NRXN3: variants seen among roughly 807,000 people sequenced by gnomAD.
The protein encoded by NRXN3 is neurexin 3.
Under a neutral mutation model 137.6 loss-of-function variants are expected in NRXN3, and 32 were observed. The ratio of observed to expected loss-of-function variants is 0.23; its 90% CI spans 0.18 to 0.31. The LOEUF is 0.31. Among genes scored for constraint, NRXN3 ranks in the 10% least tolerant of loss-of-function variants. The probability of loss-of-function intolerance (pLI) is 1.00; values close to 1 mark genes in which losing one functional copy is unlikely to be tolerated. For missense variants in NRXN3, 1,574 were observed against 2,062.5 expected, an observed-to-expected ratio of 0.76 and a Z score of 4.59; for synonymous variants, 798 against 784.5, an observed-to-expected ratio of 1.02 and a Z score of -0.29.
chr14:78,503,841 A>C (rs1441761769), intron 4 of NRXN3, among the ~76,000 whole-genome samples: 1 of 152,158 alleles, frequency 6.6e-6, no homozygotes, highest in East Asian at 1.9e-4. Flanking sequence ...CATGATAATC[A>C]GTGGTTCTCC....
chr14:79,144,895 T>C (rs1223200602), intron 15 of NRXN3, among the ~76,000 whole-genome samples: 1 of 152,122 alleles, frequency 6.6e-6, no homozygotes, highest in Non-Finnish European at 1.5e-5. Flanking sequence ...CCTCTTTTTT[T>C]TGAAAATCTT....
chr14:79,038,923 A>G (rs79057947), intron 15 of NRXN3, among the ~76,000 whole-genome samples: 5,761 of 152,216 alleles, frequency 0.038, 156 homozygotes, highest in Non-Finnish European at 0.059. Context: ...ACGAGTGGCT[A>G]AGAGCCCTGG....
At position 79,164,736 on chromosome 14, in the gene NRXN3, A is replaced by G. The variant is rs182430087; in HGVS notation, c.3262+176595A>G. Reference sequence around the variant, plus strand: ...ATTTCAAAATCTAAAGTTAAGAGAAATTAACAGGTCATTGCTCAGAAAAAT... The same window carrying G: ...ATTTCAAAATCTAAAGTTAAGAGAAGTTAACAGGTCATTGCTCAGAAAAAT... On this transcript the variant is annotated intron_variant, in intron 15 of 20. Coordinates refer to ENST00000335750, the MANE Select transcript of NRXN3 (RefSeq NM_001330195.2). Among the ~76,000 whole-genome samples the G allele has an allele frequency of 2.2e-4, 34 of 152,150 alleles. No individual in the cohort carries two copies. In the East Asian group the frequency reaches 5.2e-3, roughly 23 times the overall value.
At chr14:78,629,284 T>A (rs1411699628) in intron 4 of NRXN3, among the ~76,000 whole-genome samples, 22 of 152,210 alleles carry the variant, frequency 1.4e-4, no homozygotes, top group Admixed American at 1.4e-3. Flanking sequence ...GGCTCCTTTC[T>A]CTCTCCTTTC....
chr14:79,514,021 A>G (rs918642588), intron 16 of NRXN3, among the ~76,000 whole-genome samples: 3 of 152,234 alleles, frequency 2.0e-5, no homozygotes, highest in African/African-American at 7.2e-5. Flanking sequence ...AGAGAAATAT[A>G]GAAAATTAAT....
chr14:78,893,085 C>T (rs1043899197), intron 10 of NRXN3, among the ~76,000 whole-genome samples: 2 of 151,812 alleles, frequency 1.3e-5, no homozygotes, highest in Admixed American at 1.3e-4. Flanking sequence ...ATTGTGGGCA[C>T]CTGCTTGGCC....
intron 8 of NRXN3, among the ~76,000 whole-genome samples, chr14:78,740,665 T>C (rs552782938): frequency 6.6e-6 from 1 of 152,122 alleles, no homozygotes; most frequent in East Asian, 1.9e-4. Context: ...TCCTGGATAA[T>C]GAGGACCAAA....
At chr14:78,257,828 C>G (rs1308215103) in intron 2 of NRXN3, among the ~76,000 whole-genome samples, 1 of 152,084 alleles carries the variant, frequency 6.6e-6, no homozygotes, top group Non-Finnish European at 1.5e-5. Context: ...AGAAAGATGA[C>G]TCTAGGGCCA....
At chr14:79,854,453 T>C (rs2099398356) in intron 20 of NRXN3, among the ~76,000 whole-genome samples, 1 of 152,198 alleles carries the variant, frequency 6.6e-6, no homozygotes, top group African/African-American at 2.4e-5. Flanking sequence ...CTATATTTTT[T>C]ATTTCATTTG....
intron 4 of NRXN3, among the ~76,000 whole-genome samples, chr14:78,633,206 G>A: frequency 7.6e-6 from 1 of 131,348 alleles, no homozygotes; most frequent in Non-Finnish European, 1.5e-5. Flanking sequence ...AGTGAGCCAA[G>A]ATCGCGCCAC....
At chr14:79,290,618 G>A (rs2083012254) in intron 15 of NRXN3, among the ~76,000 whole-genome samples, 1 of 147,212 alleles carries the variant, frequency 6.8e-6, no homozygotes, top group Non-Finnish European at 1.5e-5. Flanking sequence ...GTAGCAAGAG[G>A]AACTAAAGAG....
At chr14:79,113,708 G>T (rs1455891534) in intron 15 of NRXN3, among the ~76,000 whole-genome samples, 1 of 152,064 alleles carries the variant, frequency 6.6e-6, no homozygotes, top group East Asian at 1.9e-4. Flanking sequence ...ACTTCTCAAT[G>T]ATCACATTAA....
At chr14:78,707,985 A>G (rs778211300) in intron 6 of NRXN3, among the ~76,000 whole-genome samples, 3 of 152,144 alleles carry the variant, frequency 2.0e-5, no homozygotes, top group Non-Finnish European at 4.4e-5. Context: ...CAATTTTGCA[A>G]TTGGAAATTG....
At chr14:78,683,013 A>G (rs1276518638) in intron 6 of NRXN3, among the ~76,000 whole-genome samples, 2 of 152,190 alleles carry the variant, frequency 1.3e-5, no homozygotes, top group East Asian at 1.9e-4. Flanking sequence ...AGTAGCCACA[A>G]TCCACATCTG....
intron 4 of NRXN3, among the ~76,000 whole-genome samples, chr14:78,449,918 A>G (rs764143685): frequency 3.9e-4 from 60 of 152,300 alleles, no homozygotes; most frequent in Admixed American, 2.4e-3. Flanking sequence ...TATCCCACTA[A>G]GGAATCCTTC....
chr14:79,235,028 G>A (rs764079849), intron 15 of NRXN3, among the ~76,000 whole-genome samples: 45 of 151,668 alleles, frequency 3.0e-4, no homozygotes, highest in Non-Finnish European at 5.9e-4. Context: ...TTAAAACATT[G>A]ATATTTTTTT....
intron 20 of NRXN3, among the ~76,000 whole-genome samples, chr14:79,849,969 G>C (rs898063674): frequency 1.3e-5 from 2 of 152,130 alleles, no homozygotes; most frequent in African/African-American, 4.8e-5. Flanking sequence ...CCATGTCCAT[G>C]TACAGGGTTC....
At chr14:78,820,265 T>C (rs1350367762) in intron 10 of NRXN3, among the ~76,000 whole-genome samples, 1 of 149,048 alleles carries the variant, frequency 6.7e-6, no homozygotes, top group African/African-American at 2.4e-5. Context: ...TAAATTGCAG[T>C]TGTTTTTATG....
intron 15 of NRXN3, among the ~76,000 whole-genome samples, chr14:79,134,131 A>C (rs72687491): frequency 0.084 from 11,938 of 141,356 alleles, 636 homozygotes; most frequent in Non-Finnish European, 0.13. Context: ...CCCCATCCCC[A>C]AAAATTAATA....
Sources: allele counts gnomAD v4.1 joint callset (sites outside exome capture counted in the v4.1 genomes callset), GRCh38; gene constraint gnomAD v4.1.1; transcripts MANE v1.5; gene names NCBI Gene and HGNC (gene_info 2026-07-23, HGNC 2026-07-21).